Variants in TMPRSS5 observed in about 807,000 individuals in gnomAD.
The protein encoded by TMPRSS5 is transmembrane serine protease 5, also known as transmembrane protease serine 5.
In TMPRSS5, 45 loss-of-function variants were observed where a neutral mutation model predicts 59.7. The ratio of observed to expected loss-of-function variants is 0.75; its 90% CI spans 0.59 to 0.97. The LOEUF (loss-of-function observed/expected upper bound fraction) is 0.97, where lower values mean the gene tolerates loss of function less well. Ranked by LOEUF, TMPRSS5 falls within the 50% of genes least tolerant of loss-of-function variation. The pLI is 0.00. For missense variants in TMPRSS5, 585 were observed against 596.7 expected (o/e 0.98, Z 0.20); for synonymous variants, 225 against 232.0 (o/e 0.97, Z 0.27).
intron 10 of TMPRSS5, 34 bp from the exon 11 acceptor site, chr11:113,690,407 A>C (rs1370615311): frequency 6.3e-7 from 1 of 1,591,112 alleles, no homozygotes; most frequent in Non-Finnish European, 8.5e-7. Flanking sequence ...TGCAGGGCAC[A>C]AAGCAAGGCC....
At chr11:113,691,252 G>T (rs1313094943) in intron 9 of TMPRSS5, among the ~76,000 whole-genome samples, 1 of 152,128 alleles carries the variant, frequency 6.6e-6, no homozygotes, top group Non-Finnish European at 1.5e-5. Context: ...TCAGGCCATG[G>T]GCACCCAACT....
intron 6 of TMPRSS5, among the ~76,000 whole-genome samples, chr11:113,696,069 G>A (rs1019024685): frequency 3.3e-5 from 5 of 152,044 alleles, no homozygotes; most frequent in African/African-American, 1.2e-4. Flanking sequence ...CGGCTCTCCT[G>A]GAGGAGTCAG....
At chr11:113,699,350 C>T (rs1001347302) in intron 3 of TMPRSS5, among the ~76,000 whole-genome samples, 6 of 150,430 alleles carry the variant, frequency 4.0e-5, no homozygotes, top group Non-Finnish European at 7.4e-5. Context: ...TGTGTGTGTT[C>T]TCTCTGTGTC....
chr11:113,704,329 C>T (rs930883165), intron 1 of TMPRSS5, among the ~76,000 whole-genome samples: 9 of 152,144 alleles, frequency 5.9e-5, no homozygotes, highest in African/African-American at 2.2e-4. Context: ...TCCTGCTTTC[C>T]AAGGAATAAT....
Position 113,689,898 on chromosome 11 carries a change from A to AG in TMPRSS5, c.1225dup (p.Leu409ProfsTer35). The AG allele has an allele frequency of 6.4e-7, 1 of 1,565,794 alleles. No homozygotes were observed. The highest frequency in any genetic ancestry group is 8.7e-7 in the Non-Finnish European group (1 of 1,155,120). ...CCATGTGTCCCCATCTGGGCACACT[A>AG]GGGGGCCCCCGCTATCTCCCTAAGG... On this transcript the variant is annotated frameshift_variant, in exon 12 of 13. Transcript: ENST00000299882. LOFTEE classifies it high-confidence loss of function.
At chr11:113,697,522 A>G in intron 4 of TMPRSS5, 104 bp from the exon 5 acceptor site, 1 of 1,379,464 alleles carries the variant, frequency 7.2e-7, no homozygotes, top group Non-Finnish European at 9.9e-7. Context: ...GGCCTTAATG[A>G]CAGCATCTGG....
chr11:113,699,783 C>T (rs1333600413), intron 2 of TMPRSS5, 90 bp from the exon 3 acceptor site: 46 of 1,421,650 alleles, frequency 3.2e-5, no homozygotes, highest in Non-Finnish European at 4.1e-5. Flanking sequence ...GGCTAGGCAC[C>T]CACAGAGCTC....
intron 10 of TMPRSS5, 86 bp downstream of exon 10, chr11:113,690,755 G>T: frequency 8.0e-7 from 1 of 1,246,992 alleles, no homozygotes; most frequent in Non-Finnish European, 1.1e-6. Context: ...ACTGTCATGT[G>T]GCCAGGGGAT....
intron 12 of TMPRSS5, 98 bp downstream of exon 12, chr11:113,689,667 A>G: frequency 5.9e-6 from 8 of 1,357,062 alleles, no homozygotes; most frequent in Non-Finnish European, 8.1e-6. Flanking sequence ...CACCCTCCCC[A>G]GTCCCCAGCA....
chr11:113,699,108 T>A, intron 3 of TMPRSS5, 81 bp from the exon 4 acceptor site: 3 of 1,509,120 alleles, frequency 2.0e-6, no homozygotes, highest in Non-Finnish European at 2.7e-6. Context: ...GCCACCTTGC[T>A]CTCAGGCAGC....
chr11:113,699,346 T>A (rs1953053517), intron 3 of TMPRSS5, among the ~76,000 whole-genome samples: 1 of 151,458 alleles, frequency 6.6e-6, no homozygotes, highest in African/African-American at 2.4e-5. Flanking sequence ...TGTCTGTGTG[T>A]GTTCTCTCTG....
In TMPRSS5 at chr11:113,694,351, C is replaced by T. The variant is rs115023559; in HGVS notation, c.785+127G>A. ...ACTGAATGAGAGAACTTCACAAACA[C>T]CAGTCTTACCCTTTTGGAGCAAAAA... On this transcript the variant is annotated intron_variant, in intron 8 of 12. Coordinates refer to ENST00000299882, the MANE Select transcript of TMPRSS5 (RefSeq NM_030770.4). The T allele has an allele frequency of 2.9e-5, 25 of 868,814 alleles. No individual in the cohort carries two copies. The African/African-American group carries it at 4.1e-4, about 14-fold the overall frequency. 53.8% of individuals were successfully genotyped at this position (868,814 alleles called of 1,614,324 possible).
chr11:113,699,105 T>A, intron 3 of TMPRSS5, 78 bp from the exon 4 acceptor site: 1 of 1,525,858 alleles, frequency 6.6e-7, no homozygotes, highest in Non-Finnish European at 8.9e-7. Context: ...TCAGCCACCT[T>A]GCTCTCAGGC....
intron 6 of TMPRSS5, among the ~76,000 whole-genome samples, chr11:113,695,830 T>A (rs891819984): frequency 6.6e-6 from 1 of 152,094 alleles, no homozygotes; most frequent in African/African-American, 2.4e-5. Flanking sequence ...GTGACTAGGG[T>A]TCTTCACCCC....
At chr11:113,689,961 T>G in intron 11 of TMPRSS5, 44 bp from the exon 12 acceptor site, 1 of 1,497,292 alleles carries the variant, frequency 6.7e-7, no homozygotes, top group Non-Finnish European at 9.0e-7. Flanking sequence ...AGCCAGTTAG[T>G]TCTTCCTGAT....
rs1263487635 is a variant in TMPRSS5, at chr11:113,694,517, G to A, written c.746C>T (p.Ala249Val). 1.9e-5 allele frequency: 29 copies of A among 1,566,080 alleles called. No homozygotes were observed. Among genetic ancestry groups the A allele is most frequent in the South Asian group, 4.7e-5 (4 of 84,980 alleles). ...FRHTCGGSVL[A>V]PRWVVTAAHC... ...TGCAGCAGTCACCACCCAGCGTGGCGCTAGCACAGAGCCCCCACACGTGTG... is the reference window on the plus strand; with the variant it reads ...TGCAGCAGTCACCACCCAGCGTGGCACTAGCACAGAGCCCCCACACGTGTG... The change falls in exon 8 of 13, where the codon GCG (alanine) becomes GTG (valine). Residue 249 changes from alanine to valine, a missense_variant. Transcript: ENST00000299882.
At chr11:113,699,207 GTCTGTCTCTCTCTCTCTCTCTC>G (rs1953022899) in intron 3 of TMPRSS5, among the ~76,000 whole-genome samples, 180 bp from the exon 4 acceptor site, 2 of 46,342 alleles carry the variant, frequency 4.3e-5, no homozygotes, top group African/African-American at 2.5e-4. Context: ...TCCTTTGTCT[GTCTGTCTCTCTCTCTCTCTCTC>G]TCTCTCTCTC....
Position 113,690,262 on chromosome 11 carries a change from C to A in TMPRSS5, c.1175G>T (p.Gly392Val), listed in dbSNP as rs528227924. The part of the protein sequence containing the change: ...GALTPRMLCA[G>V]YLDGRADACQ... ...TGCATCAGCCCTTCCGTCCAGGTAGCCAGCGCAAAGCATGCGGGGGGTGAG... is the reference window on the plus strand; with the variant it reads ...TGCATCAGCCCTTCCGTCCAGGTAGACAGCGCAAAGCATGCGGGGGGTGAG... Residue 392 changes from glycine (G) to valine (V), a missense_variant, in exon 11 of 13, where the codon GGC (glycine) becomes GTC (valine). Gly to Val is a moderately radical substitution (Grantham distance 109, BLOSUM62 -3). Coordinates refer to ENST00000299882, the MANE Select transcript of TMPRSS5 (RefSeq NM_030770.4). The A allele has an allele frequency of 2.8e-5, 43 of 1,554,902 alleles. No individual in the cohort carries two copies. The African/African-American group carries it at 5.9e-4, about 21-fold the overall frequency.
Position 113,687,703 on chromosome 11 carries a change from G to C in TMPRSS5, c.*557C>G, listed in dbSNP as rs76470159. 2,965 of 153,040 alleles carry C rather than the reference G, an allele frequency of 0.019. 104 individuals carry two copies. Among genetic ancestry groups the C allele is most frequent in the African/African-American group, 0.069 (2,867 of 41,568 alleles). The allele number at this position is 153,040 out of a possible 1,614,324, so 9.5% of individuals were successfully genotyped here. A position where few individuals can be genotyped will look rare whatever the true frequency, so the allele number is the denominator to read the frequency against. On this transcript the variant is annotated 3_prime_UTR_variant, in exon 13 of 13. Coordinates refer to ENST00000299882, the MANE Select transcript of TMPRSS5 (RefSeq NM_030770.4). Reference sequence around the variant, plus strand: ...CCACAGCCAGGTGAGAACAGGAAGGGGAGTGGAGAGGGAGAGTGGAGAGGG... The same window carrying C: ...CCACAGCCAGGTGAGAACAGGAAGGCGAGTGGAGAGGGAGAGTGGAGAGGG...
Sources: allele counts gnomAD v4.1 joint callset (sites outside exome capture counted in the v4.1 genomes callset), GRCh38; gene constraint gnomAD v4.1.1; transcripts MANE v1.5; gene names NCBI Gene and HGNC (gene_info 2026-07-23, HGNC 2026-07-21).